The following MCC variants were observed in gnomAD, a reference collection of about 807,000 sequenced individuals.
The protein encoded by MCC is MCC regulator of Wnt signaling pathway.
In MCC, 90 loss-of-function variants were observed where a neutral mutation model predicts 116.2. That is an observed-to-expected ratio of 0.77 (90% CI 0.65 to 0.92). The LOEUF is 0.92. Among genes scored for constraint, MCC ranks in the 40% least tolerant of loss-of-function variants. MCC has a pLI of 0.00. For synonymous variants in MCC, 578 were observed against 510.5 expected (o/e 1.13, Z -1.78); for missense variants, 1,516 against 1,312.2 (o/e 1.16, Z -2.40).
At position 113,338,674 on chromosome 5, in the gene MCC, T is replaced by C. The variant is rs141117893; in HGVS notation, c.627+1845A>G. Among the ~76,000 whole-genome samples, 4 of 152,332 alleles carry C rather than the reference T, an allele frequency of 2.6e-5. No homozygotes were observed. The East Asian group carries it at 5.8e-4, about 22-fold the overall frequency. On this transcript the variant is annotated intron_variant, in intron 3 of 18. Transcript: ENST00000408903. ...GTCTTGAGAAAAGGCTGAGCTGATATAGTACAGAGGAGGGTTCAACTTGCT... is the reference window on the plus strand; with the variant it reads ...GTCTTGAGAAAAGGCTGAGCTGATACAGTACAGAGGAGGGTTCAACTTGCT...
chr5:113,430,223 C>A (rs4398627), intron 1 of MCC, among the ~76,000 whole-genome samples: 1 of 152,032 alleles, frequency 6.6e-6, no homozygotes, highest in Non-Finnish European at 1.5e-5. Flanking sequence ...GGGAGGTACA[C>A]CAATCTTTCA....
At chr5:113,460,764 G>A (rs1771721581) in intron 1 of MCC, among the ~76,000 whole-genome samples, 1 of 152,182 alleles carries the variant, frequency 6.6e-6, no homozygotes. Context: ...ATATTTGGCT[G>A]CTGCTAAAGT....
At chr5:113,134,555 C>CTT in intron 5 of MCC, among the ~76,000 whole-genome samples, 968 of 30,114 alleles carry the variant, frequency 0.032, 42 homozygotes, top group African/African-American at 0.073. Flanking sequence ...GCTATTTGGG[C>CTT]TTTTTTTTTT....
chr5:113,100,871 G>C (rs10074318), intron 8 of MCC, among the ~76,000 whole-genome samples: 4 of 152,024 alleles, frequency 2.6e-5, no homozygotes, highest in Non-Finnish European at 5.9e-5. Context: ...CCAAGAAAGA[G>C]AGTCAAGTAA....
intron 1 of MCC, among the ~76,000 whole-genome samples, chr5:113,443,237 G>T (rs1771101073): frequency 3.3e-5 from 5 of 152,178 alleles, no homozygotes; most frequent in Admixed American, 2.0e-4. Flanking sequence ...GGATTCCTAG[G>T]TATTTTATTC....
intron 3 of MCC, among the ~76,000 whole-genome samples, chr5:113,191,033 C>G (rs574941216): frequency 6.6e-6 from 1 of 152,290 alleles, no homozygotes; most frequent in South Asian, 2.1e-4. Flanking sequence ...AAGGGCCCAT[C>G]CTCTCTGGAT....
chr5:113,461,600 G>A (rs1216898801), intron 1 of MCC, among the ~76,000 whole-genome samples: 1 of 152,066 alleles, frequency 6.6e-6, no homozygotes, highest in Non-Finnish European at 1.5e-5. Context: ...GAGCCCAGGA[G>A]TCTGAGACTA....
chr5:113,470,883 T>G (rs1390059103), intron 1 of MCC, among the ~76,000 whole-genome samples: 1 of 152,190 alleles, frequency 6.6e-6, no homozygotes, highest in African/African-American at 2.4e-5. Context: ...TCGTTTCTTT[T>G]TATTCTTTTT....
At chr5:113,062,576 A>G (rs1418800238) in intron 14 of MCC, among the ~76,000 whole-genome samples, 3 of 152,398 alleles carry the variant, frequency 2.0e-5, no homozygotes, top group Admixed American at 6.5e-5. Context: ...CTACATTTCT[A>G]TACTAAATAA....
chr5:113,112,922 T>C (rs1251955175), intron 6 of MCC, among the ~76,000 whole-genome samples: 1 of 152,248 alleles, frequency 6.6e-6, no homozygotes. Context: ...AGCCTGCTAA[T>C]AGGGCAGAAA....
At chr5:113,174,560 C>T (rs988643545) in intron 3 of MCC, among the ~76,000 whole-genome samples, 3 of 151,866 alleles carry the variant, frequency 2.0e-5, no homozygotes, top group African/African-American at 4.8e-5. Flanking sequence ...ATATTGAAGA[C>T]CTTGGAGAAA....
intron 3 of MCC, among the ~76,000 whole-genome samples, chr5:113,215,816 A>G (rs1763293345): frequency 6.6e-6 from 1 of 152,132 alleles, no homozygotes. Context: ...ACTACGAGAG[A>G]GCCTCAGTTA....
intron 3 of MCC, among the ~76,000 whole-genome samples, chr5:113,208,364 G>A (rs1762995338): frequency 6.6e-6 from 1 of 152,122 alleles, no homozygotes; most frequent in Non-Finnish European, 1.5e-5. Context: ...CCTTTCTACA[G>A]AGTGCCTTGA....
intron 4 of MCC, among the ~76,000 whole-genome samples, chr5:113,149,176 T>A (rs1395627470): frequency 6.6e-6 from 1 of 152,046 alleles, no homozygotes; most frequent in African/African-American, 2.4e-5. Flanking sequence ...TGGGTATAAA[T>A]TAGAAAACAT....
intron 1 of MCC, among the ~76,000 whole-genome samples, chr5:113,465,643 A>G (rs1771882092): frequency 6.6e-6 from 1 of 152,236 alleles, no homozygotes; most frequent in South Asian, 2.1e-4. Context: ...TCTCTAATAT[A>G]CGAAGACCTC....
At chr5:113,384,825 C>T (rs1027154738) in intron 2 of MCC, 143 bp downstream of exon 2, 3 of 851,492 alleles carry the variant, frequency 3.5e-6, no homozygotes, top group African/African-American at 3.4e-5. Context: ...AGTGAGCACT[C>T]CCCCAGGGAA....
intron 1 of MCC, among the ~76,000 whole-genome samples, chr5:113,413,937 C>A (rs1257681320): frequency 6.6e-6 from 1 of 152,194 alleles, no homozygotes; most frequent in Non-Finnish European, 1.5e-5. Flanking sequence ...CTACACACTG[C>A]TTTAAATGTG....
chr5:113,145,197 C>G (rs1261281089), intron 4 of MCC, among the ~76,000 whole-genome samples: 6 of 152,224 alleles, frequency 3.9e-5, no homozygotes, highest in Admixed American at 2.0e-4. Context: ...CTGTTCCCAA[C>G]CTCAGAGTGT....
At chr5:113,388,566 C>A (rs186801351) in intron 1 of MCC, among the ~76,000 whole-genome samples, 3 of 152,074 alleles carry the variant, frequency 2.0e-5, no homozygotes, top group Non-Finnish European at 4.4e-5. Context: ...TTTAAAGAGG[C>A]CTGACACCTC....
Sources: allele counts gnomAD v4.1 joint callset (sites outside exome capture counted in the v4.1 genomes callset), GRCh38; gene constraint gnomAD v4.1.1; transcripts MANE v1.5; gene names NCBI Gene and HGNC (gene_info 2026-07-23, HGNC 2026-07-21).